FSTL5: variants seen among roughly 807,000 people sequenced by gnomAD.
FSTL5 encodes the protein follistatin like 5.
In FSTL5, 62 loss-of-function variants were observed where a neutral mutation model predicts 89.1. The observed-to-expected ratio is 0.70, with a 90% CI of 0.57 to 0.86. The LOEUF is 0.86. FSTL5 is among the 40% of genes least tolerant of loss of function. The probability of loss-of-function intolerance (pLI) is 0.00; values close to 1 mark genes in which losing one functional copy is unlikely to be tolerated. For missense variants in FSTL5, 1,057 were observed against 1,001.6 expected (o/e 1.06, Z -0.75); for synonymous variants, 383 against 346.2 (o/e 1.11, Z -1.18).
chr4:161,683,038 C>A (rs1014816309), intron 6 of FSTL5, among the ~76,000 whole-genome samples: 1 of 152,102 alleles, frequency 6.6e-6, no homozygotes, highest in Non-Finnish European at 1.5e-5. Context: ...AGCCACCGTG[C>A]CCGGCCAACT....
chr4:161,456,741 T>C (rs367679732), intron 14 of FSTL5, among the ~76,000 whole-genome samples: 3 of 152,236 alleles, frequency 2.0e-5, no homozygotes, highest in African/African-American at 7.2e-5. Context: ...AGGTCTTTCA[T>C]AGCAAAGAGC....
intron 4 of FSTL5, among the ~76,000 whole-genome samples, chr4:161,919,687 T>C (rs1350036843): frequency 6.6e-6 from 1 of 152,182 alleles, no homozygotes; most frequent in African/African-American, 2.4e-5. Context: ...GTCATGACTA[T>C]AAACGAGAAA....
chr4:161,763,239 T>C (rs188131818), intron 5 of FSTL5, among the ~76,000 whole-genome samples: 1 of 152,250 alleles, frequency 6.6e-6, no homozygotes, highest in African/African-American at 2.4e-5. Context: ...CTTTCCCATA[T>C]GAAACTCATA....
At chr4:161,784,150 G>T (rs1741796103) in intron 4 of FSTL5, among the ~76,000 whole-genome samples, 1 of 151,580 alleles carries the variant, frequency 6.6e-6, no homozygotes, top group South Asian at 2.1e-4. Context: ...TGGCCAGGCT[G>T]CTCTCGAACT....
chr4:161,769,896 G>GA (rs1314227623), intron 5 of FSTL5, among the ~76,000 whole-genome samples: 108 of 145,912 alleles, frequency 7.4e-4, no homozygotes, highest in South Asian at 2.2e-3. Flanking sequence ...TCTTATATTT[G>GA]AAAAAAAAAA....
intron 7 of FSTL5, among the ~76,000 whole-genome samples, chr4:161,607,451 C>T (rs1734493127): frequency 6.6e-6 from 1 of 152,036 alleles, no homozygotes; most frequent in Non-Finnish European, 1.5e-5. Context: ...AAAACTATGG[C>T]TTCTTTTCAT....
In FSTL5 at chr4:161,930,664, T is replaced by TA. The variant is rs140877673; in HGVS notation, c.161-10013dup. ...TGATCACTCAAGTTCCTTGGATAGT[T>TA]AAAAAAAATCAGGATGCAAAGCGCT... On this transcript the variant is annotated intron_variant, in intron 3 of 15. Coordinates refer to ENST00000306100, the MANE Select transcript of FSTL5 (RefSeq NM_020116.5). 0.013 allele frequency among the ~76,000 whole-genome samples: 1,936 copies of TA among 151,726 alleles called. 104 individuals carry two copies. The East Asian group carries it at 0.18, about 14-fold the overall frequency.
chr4:161,819,293 A>G (rs1215188994), intron 4 of FSTL5, among the ~76,000 whole-genome samples: 1 of 152,172 alleles, frequency 6.6e-6, no homozygotes, highest in Non-Finnish European at 1.5e-5. Context: ...ATGTCTACTG[A>G]AAATAAGCAA....
chr4:162,065,700 C>G (rs949686343), intron 2 of FSTL5, among the ~76,000 whole-genome samples: 3 of 151,860 alleles, frequency 2.0e-5, no homozygotes, highest in Admixed American at 6.6e-5. Context: ...TCCAGCAACT[C>G]TACTTCTCGG....
intron 15 of FSTL5, among the ~76,000 whole-genome samples, chr4:161,419,464 G>A (rs941458748): frequency 6.6e-6 from 1 of 152,140 alleles, no homozygotes; most frequent in Non-Finnish European, 1.5e-5. Flanking sequence ...CTAAAGAAAA[G>A]AGGTAAGTTT....
rs917710018 is a variant in FSTL5 at position 161,708,810 on chromosome 4, A to G, written c.727+50601T>C. 4.6e-5 allele frequency among the ~76,000 whole-genome samples: 7 copies of G among 152,262 alleles called. No individual in the cohort carries two copies. The East Asian group carries it at 7.7e-4, about 17-fold the overall frequency. On this transcript the variant is annotated intron_variant, in intron 6 of 15. Coordinates refer to ENST00000306100, the MANE Select transcript of FSTL5 (RefSeq NM_020116.5). ...GCCTGCCAGGCACAAATGTGATGCT[A>G]GTTCTAGATCTATGAAAATATATGT...
At chr4:162,106,564 G>A (rs7667702) in intron 2 of FSTL5, among the ~76,000 whole-genome samples, 87,865 of 151,880 alleles carry the variant, frequency 0.58, 26,163 homozygotes, top group Admixed American at 0.66. Context: ...GGTTAAATTG[G>A]GATGGAAAAT....
At chr4:161,824,059 T>C (rs1730585112) in intron 4 of FSTL5, among the ~76,000 whole-genome samples, 1 of 152,236 alleles carries the variant, frequency 6.6e-6, no homozygotes, top group Admixed American at 6.5e-5. Flanking sequence ...CATTAGCTTT[T>C]GGGTTCTTGG....
intron 4 of FSTL5, among the ~76,000 whole-genome samples, chr4:161,874,064 G>A (rs1255808200): frequency 6.6e-6 from 1 of 151,914 alleles, no homozygotes; most frequent in African/African-American, 2.4e-5. Context: ...GCTTTGATAT[G>A]GTACTATTGT....
At chr4:161,432,975 C>T (rs537495618) in intron 15 of FSTL5, among the ~76,000 whole-genome samples, 10 of 151,946 alleles carry the variant, frequency 6.6e-5, no homozygotes, top group Admixed American at 4.6e-4. Flanking sequence ...GACCCAATGG[C>T]TTCAGTGTTA....
At chr4:161,911,617 T>C (rs1733694615) in intron 4 of FSTL5, among the ~76,000 whole-genome samples, 1 of 152,166 alleles carries the variant, frequency 6.6e-6, no homozygotes, top group Non-Finnish European at 1.5e-5. Context: ...ACATGACAGG[T>C]AGAGCTTCTG....
intron 6 of FSTL5, among the ~76,000 whole-genome samples, chr4:161,722,569 T>C (rs1167373661): frequency 6.6e-6 from 1 of 152,306 alleles, no homozygotes; most frequent in East Asian, 1.9e-4. Flanking sequence ...AATATTCTGA[T>C]GTATGTAAAT....
chr4:161,802,712 T>G, intron 4 of FSTL5, among the ~76,000 whole-genome samples: 1 of 151,754 alleles, frequency 6.6e-6, no homozygotes, highest in East Asian at 1.9e-4. Context: ...AAAGAATATT[T>G]ATGCTGCTAT....
chr4:161,752,223 G>GGATAGATA (rs1171921439), intron 6 of FSTL5, among the ~76,000 whole-genome samples: 16 of 133,702 alleles, frequency 1.2e-4, no homozygotes, highest in African/African-American at 4.4e-4. Context: ...GATGATAGAT[G>GGATAGATA]GACAGATAGA....
Sources: allele counts gnomAD v4.1 joint callset (sites outside exome capture counted in the v4.1 genomes callset), GRCh38; gene constraint gnomAD v4.1.1; transcripts MANE v1.5; gene names NCBI Gene and HGNC (gene_info 2026-07-23, HGNC 2026-07-21).